Variants in AFMID observed in about 807,000 individuals in gnomAD.
AFMID encodes the protein arylformamidase, also known as kynurenine formamidase.
In AFMID, 39 loss-of-function variants were observed where a neutral mutation model predicts 47.5. That is an observed-to-expected ratio of 0.82 (90% CI 0.64 to 1.07). The LOEUF (loss-of-function observed/expected upper bound fraction) is 1.07. AFMID is among the 50% of genes least tolerant of loss of function. The pLI is 0.00. For missense variants in AFMID, 375 were observed against 387.5 expected, an observed-to-expected ratio of 0.97 and a Z score of 0.27; for synonymous variants, 130 against 153.2, an observed-to-expected ratio of 0.85 and a Z score of 1.12.
intron 4 of AFMID, chr17:78,203,759 C>T (rs1442013653): frequency 6.6e-6 from 1 of 152,104 alleles, no homozygotes; most frequent in African/African-American, 2.4e-5. Flanking sequence ...TACGGTGGCT[C>T]ACGCCTGTAA....
intron 3 of AFMID, 30 bp from the exon 4 acceptor site, chr17:78,202,673 T>C (rs35822441): frequency 0.64 from 995,449 of 1,567,222 alleles, 320,315 homozygotes; most frequent in African/African-American, 0.83. Flanking sequence ...GGGCGGGCCT[T>C]GCTCACACGC....
At chr17:78,191,579 A>G (rs2145847137) in intron 2 of AFMID, among the ~76,000 whole-genome samples, 1 of 152,112 alleles carries the variant, frequency 6.6e-6, no homozygotes, top group East Asian at 1.9e-4. Context: ...AACCTGAGGC[A>G]TGAGAATTGC....
chr17:78,190,481 C>A (rs1026583651), intron 1 of AFMID, among the ~76,000 whole-genome samples: 2 of 152,154 alleles, frequency 1.3e-5, no homozygotes, highest in African/African-American at 4.8e-5. Context: ...GCAACCTCCA[C>A]CTCCCAGGCT....
chr17:78,205,567 C>A, intron 8 of AFMID, 36 bp from the exon 9 acceptor site: 11 of 1,614,114 alleles, frequency 6.8e-6, no homozygotes, highest in Non-Finnish European at 9.3e-6. Context: ...AGCCTGGCTC[C>A]TCTCTGTCCT....
At chr17:78,193,719 T>A (rs947424245) in intron 2 of AFMID, among the ~76,000 whole-genome samples, 2 of 152,042 alleles carry the variant, frequency 1.3e-5, no homozygotes, top group African/African-American at 2.4e-5. Context: ...AGCTCACGCA[T>A]GTAATCCCAG....
At chr17:78,205,818 A>C (rs888056849) in intron 9 of AFMID, 80 bp downstream of exon 9, 3 of 1,598,094 alleles carry the variant, frequency 1.9e-6, no homozygotes, top group Non-Finnish European at 1.7e-6. Flanking sequence ...ACCCAAGTGG[A>C]CAAGACCCTC....
chr17:78,196,753 G>A (rs182275221), intron 2 of AFMID, among the ~76,000 whole-genome samples: 89 of 152,146 alleles, frequency 5.8e-4, no homozygotes, highest in South Asian at 1.5e-3. Context: ...ATTTTTACAC[G>A]CGTGTTCGTA....
chr17:78,194,983 C>G (rs200905456), intron 2 of AFMID, among the ~76,000 whole-genome samples: 1 of 152,006 alleles, frequency 6.6e-6, no homozygotes, highest in Non-Finnish European at 1.5e-5. Flanking sequence ...CGTGAGCCAC[C>G]GTACCCGGCC....
At chr17:78,198,726 T>C (rs1454002829) in intron 2 of AFMID, among the ~76,000 whole-genome samples, 2 of 151,948 alleles carry the variant, frequency 1.3e-5, no homozygotes, top group African/African-American at 4.8e-5. Flanking sequence ...GGAGAATCAC[T>C]TGAACCCCAG....
chr17:78,194,244 G>A (rs2076051440), intron 2 of AFMID, among the ~76,000 whole-genome samples: 1 of 151,670 alleles, frequency 6.6e-6, no homozygotes, highest in South Asian at 2.1e-4. Flanking sequence ...TTGTGTTTCA[G>A]CCTCCCGAGT....
intron 2 of AFMID, among the ~76,000 whole-genome samples, chr17:78,196,768 C>A (rs1015316506): frequency 2.0e-5 from 3 of 152,144 alleles, no homozygotes; most frequent in Non-Finnish European, 2.9e-5. Context: ...TTCGTAGCAC[C>A]ATTTCCACAT....
At chr17:78,188,205 A>G (rs2145837876) in intron 1 of AFMID, among the ~76,000 whole-genome samples, 1 of 152,244 alleles carries the variant, frequency 6.6e-6, no homozygotes, top group South Asian at 2.1e-4. Flanking sequence ...AATCATGATC[A>G]TAAATAATAG....
At chr17:78,198,955 C>T (rs113666902) in intron 2 of AFMID, among the ~76,000 whole-genome samples, 5,627 of 152,312 alleles carry the variant, frequency 0.037, 130 homozygotes, top group South Asian at 0.052. Context: ...CTCCCCCTCC[C>T]TTTCATCCAA....
rs2076331746 is a variant in AFMID, at chr17:78,204,727, G to A, written c.380G>A (p.Gly127Asp). 6.2e-7 allele frequency: 1 copy of A among 1,614,208 alleles called. No individual in the cohort carries two copies. Among genetic ancestry groups the A allele is most frequent in the South Asian group, 1.1e-5 (1 of 91,088 alleles). The change falls in exon 5 of 11, where the codon GGC (glycine) becomes GAC (aspartate). Residue 127 changes from glycine to aspartate, a missense_variant. Gly to Asp is a moderately conservative substitution (Grantham distance 94). Coordinates refer to ENST00000409257, the MANE Select transcript of AFMID (RefSeq NM_001010982.5). ...GTGGCCGTGGTAATAGTGGCTTACG[G>A]CATCGCCCCCAAAGGTAATAGGAGT... is the stretch of plus-strand genomic sequence containing the variant. The part of the protein sequence containing the change: ...QGVAVVIVAY[G>D]IAPKGTLDHM...
intron 10 of AFMID, 110 bp downstream of exon 10, chr17:78,206,160 A>T: frequency 1.2e-6 from 1 of 844,100 alleles, no homozygotes; most frequent in Non-Finnish European, 1.9e-6. Context: ...ACATGGAGAA[A>T]CTCCGTGTCT....
chr17:78,204,630 G>T (rs938687761), intron 4 of AFMID, 26 bp from the exon 5 acceptor site: 7 of 1,613,682 alleles, frequency 4.3e-6, no homozygotes, highest in Non-Finnish European at 5.9e-6. Context: ...GCTGCCTCCA[G>T]CTGTCACATC....
At chr17:78,197,666 G>A (rs998333289) in intron 2 of AFMID, 16 of 162,030 alleles carry the variant, frequency 9.9e-5, no homozygotes, top group African/African-American at 1.2e-4. Flanking sequence ...TAGGGAGTCC[G>A]GGTAGAAGCT....
At chr17:78,199,647 G>A (rs2076198599) in intron 2 of AFMID, among the ~76,000 whole-genome samples, 1 of 149,552 alleles carries the variant, frequency 6.7e-6, no homozygotes, top group Non-Finnish European at 1.5e-5. Flanking sequence ...TGCTGGGATT[G>A]CAGGTGTGCG....
At chr17:78,205,004 G>A (rs1302745994) in intron 6 of AFMID, 89 bp from the exon 7 acceptor site, 1 of 1,573,258 alleles carries the variant, frequency 6.4e-7, no homozygotes, top group Non-Finnish European at 8.7e-7. Flanking sequence ...GGCCTGTGGA[G>A]CAGAAAGCAA....
Sources: gnomAD v4.1 joint callset for allele counts (sites outside exome capture counted in the v4.1 genomes callset) on GRCh38, gnomAD v4.1.1 for gene constraint, MANE v1.5 for transcripts, NCBI Gene and HGNC (gene_info 2026-07-23, HGNC 2026-07-21) for gene names.